GRIK1: variants seen among roughly 807,000 people sequenced by gnomAD.
The protein encoded by GRIK1 is glutamate ionotropic receptor kainate type subunit 1, also known as glutamate receptor ionotropic, kainate 1.
In GRIK1, 69 loss-of-function variants were observed where a neutral mutation model predicts 105.7. That is an observed-to-expected ratio of 0.65 (90% CI 0.54 to 0.80). The LOEUF (loss-of-function observed/expected upper bound fraction) is 0.80. GRIK1 is among the 30% of genes least tolerant of loss of function. The pLI, the probability that GRIK1 is intolerant of heterozygous loss-of-function variation, is 0.00. For synonymous variants in GRIK1, 438 were observed against 431.3 expected (o/e 1.02, Z -0.19); for missense variants, 1,109 against 1,167.3 (o/e 0.95, Z 0.73).
intron 1 of GRIK1, among the ~76,000 whole-genome samples, chr21:29,707,627 T>C (rs2063949773): frequency 6.6e-6 from 1 of 151,884 alleles, no homozygotes; most frequent in East Asian, 1.9e-4. Context: ...TCCCGAGTAG[T>C]TGGGCCTACA....
intron 4 of GRIK1, among the ~76,000 whole-genome samples, chr21:29,666,178 C>T (rs2063055701): frequency 6.6e-6 from 1 of 152,210 alleles, no homozygotes; most frequent in East Asian, 1.9e-4. Flanking sequence ...CCAAGGCAGG[C>T]GGATCACCTG....
intron 1 of GRIK1, among the ~76,000 whole-genome samples, chr21:29,817,282 G>A (rs970984731): frequency 6.6e-6 from 1 of 151,904 alleles, no homozygotes; most frequent in Non-Finnish European, 1.5e-5. Flanking sequence ...ACTCATAAAA[G>A]AAAAAATAAT....
intron 8 of GRIK1, chr21:29,596,788 A>C (rs2061422416): frequency 1.7e-6 from 1 of 572,000 alleles, no homozygotes; most frequent in African/African-American, 1.9e-5. Flanking sequence ...GGTAAGACTC[A>C]ATTTTTACTT....
chr21:29,562,899 T>C (rs1568820349), intron 14 of GRIK1, among the ~76,000 whole-genome samples: 1 of 146,038 alleles, frequency 6.8e-6, no homozygotes, highest in African/African-American at 2.5e-5. Flanking sequence ...TTTGCTAAAG[T>C]ATACTGCCTA....
At chr21:29,540,619 A>G (rs1254618628) in intron 16 of GRIK1, among the ~76,000 whole-genome samples, 1 of 152,224 alleles carries the variant, frequency 6.6e-6, no homozygotes, top group East Asian at 1.9e-4. Flanking sequence ...TTATGATCTC[A>G]GAATTAAGGA....
intron 13 of GRIK1, among the ~76,000 whole-genome samples, chr21:29,580,001 ATATATGTATATATATGTG>A (rs2090983120): frequency 6.8e-6 from 1 of 146,336 alleles, no homozygotes; most frequent in African/African-American, 2.5e-5. Context: ...ATATATGTAT[ATATATGTATATATATGTG>A]TATATATGTA....
intron 15 of GRIK1, among the ~76,000 whole-genome samples, chr21:29,556,033 GAGA>G (rs2090246077): frequency 6.6e-6 from 1 of 152,154 alleles, no homozygotes; most frequent in African/African-American, 2.4e-5. Context: ...ACTTTCTCCA[GAGA>G]AGAAGACCAC....
intron 1 of GRIK1, among the ~76,000 whole-genome samples, chr21:29,724,374 CT>C (rs1262649473): frequency 4.6e-5 from 7 of 152,130 alleles, no homozygotes; most frequent in African/African-American, 1.7e-4. Flanking sequence ...AACTATCAAT[CT>C]GGCAGGATTC....
At chr21:29,598,794 T>C in intron 8 of GRIK1, 36 bp downstream of exon 8, 1 of 932,616 alleles carries the variant, frequency 1.1e-6, no homozygotes, top group Non-Finnish European at 1.7e-6. Context: ...ACAATGTTCA[T>C]TTGTTATTTT....
chr21:29,627,058 C>T lies in GRIK1; in HGVS notation c.1098+15768G>A, dbSNP rs955401763. On this transcript the variant is annotated intron_variant, in intron 7 of 17. Transcript: ENST00000327783. Reference sequence around the variant, plus strand: ...GGAAAATATGGTTTAAATAAACCCTCTGGGTTCCTGTAGAGGACTACTTGT... The same window carrying T: ...GGAAAATATGGTTTAAATAAACCCTTTGGGTTCCTGTAGAGGACTACTTGT... 2.6e-5 allele frequency among the ~76,000 whole-genome samples: 4 copies of T among 152,160 alleles called. No homozygotes were observed. In the East Asian group the frequency reaches 7.7e-4, roughly 29 times the overall value.
intron 1 of GRIK1, among the ~76,000 whole-genome samples, chr21:29,781,014 A>G (rs2066083708): frequency 6.6e-6 from 1 of 152,202 alleles, no homozygotes; most frequent in South Asian, 2.1e-4. Context: ...GCCAAGCAAT[A>G]CAAAAGAAGT....
chr21:29,838,113 G>A (rs1271688089), intron 1 of GRIK1, among the ~76,000 whole-genome samples: 1 of 152,144 alleles, frequency 6.6e-6, no homozygotes, highest in African/African-American at 2.4e-5. Context: ...AAGCAGGTTT[G>A]CAAAAGACCC....
At chr21:29,794,699 T>C (rs2032432058) in intron 1 of GRIK1, among the ~76,000 whole-genome samples, 2 of 152,180 alleles carry the variant, frequency 1.3e-5, no homozygotes, top group Admixed American at 1.3e-4. Flanking sequence ...GTAGTTGGGT[T>C]TCTTGGGCTT....
intron 1 of GRIK1, among the ~76,000 whole-genome samples, chr21:29,937,139 T>C (rs992079493): frequency 6.6e-6 from 1 of 152,192 alleles, no homozygotes; most frequent in African/African-American, 2.4e-5. Flanking sequence ...AACCCCTTTT[T>C]GTTAATTTTT....
chr21:29,862,118 C>T (rs1042269145), intron 1 of GRIK1, among the ~76,000 whole-genome samples: 3 of 152,140 alleles, frequency 2.0e-5, no homozygotes, highest in Admixed American at 2.0e-4. Context: ...TCCCCAGTAG[C>T]TGGGACTACA....
At chr21:29,640,462 C>T (rs1002887778) in intron 7 of GRIK1, among the ~76,000 whole-genome samples, 1 of 152,146 alleles carries the variant, frequency 6.6e-6, no homozygotes, top group Non-Finnish European at 1.5e-5. Context: ...ACAATGTTGA[C>T]AATGGTTTCT....
chr21:29,699,880 C>T (rs542601142), intron 1 of GRIK1, among the ~76,000 whole-genome samples: 1 of 152,222 alleles, frequency 6.6e-6, no homozygotes, highest in South Asian at 2.1e-4. Context: ...AACTCCTGAC[C>T]TCAGGTAATC....
intron 15 of GRIK1, among the ~76,000 whole-genome samples, chr21:29,556,319 C>G (rs542235025): frequency 6.6e-6 from 1 of 152,262 alleles, no homozygotes; most frequent in South Asian, 2.1e-4. Flanking sequence ...CCCAACCCCT[C>G]TTTTTTCAAA....
At chr21:29,618,178 A>G (rs937771615) in intron 7 of GRIK1, among the ~76,000 whole-genome samples, 2 of 152,152 alleles carry the variant, frequency 1.3e-5, no homozygotes, top group African/African-American at 4.8e-5. Context: ...AGTTTCCTGC[A>G]ATTATCCCTA....
Sources: gnomAD v4.1 joint callset for allele counts (sites outside exome capture counted in the v4.1 genomes callset) on GRCh38, gnomAD v4.1.1 for gene constraint, MANE v1.5 for transcripts, NCBI Gene and HGNC (gene_info 2026-07-23, HGNC 2026-07-21) for gene names.